Variants in ENTPD5 observed in about 807,000 individuals in gnomAD.
ENTPD5 encodes ectonucleoside triphosphate diphosphohydrolase 5 (inactive).
Under a neutral mutation model 60.2 loss-of-function variants are expected in ENTPD5, and 49 were observed. The observed-to-expected ratio is 0.81, with a 90% CI of 0.65 to 1.03. The LOEUF (loss-of-function observed/expected upper bound fraction) is 1.03. Ranked by LOEUF, ENTPD5 falls within the 50% of genes least tolerant of loss-of-function variation. The probability of loss-of-function intolerance (pLI) is 0.00; values close to 1 mark genes in which losing one functional copy is unlikely to be tolerated. For synonymous variants in ENTPD5, 187 were observed against 185.4 expected (o/e 1.01, Z -0.07); for missense variants, 480 against 507.6 (o/e 0.95, Z 0.52).
intron 15 of ENTPD5, among the ~76,000 whole-genome samples, chr14:73,968,275 T>C (rs2057070620): frequency 6.6e-6 from 1 of 152,180 alleles, no homozygotes. Flanking sequence ...TGTTTATCGG[T>C]TTATCAATTT....
chr14:74,014,724 C>T (rs918470975), intron 2 of ENTPD5, among the ~76,000 whole-genome samples: 4 of 152,050 alleles, frequency 2.6e-5, no homozygotes, highest in South Asian at 2.1e-4. Flanking sequence ...CTTAATATCA[C>T]GAGAAAATGT....
intron 13 of ENTPD5, among the ~76,000 whole-genome samples, chr14:73,972,215 A>T (rs949674085): frequency 4.0e-5 from 6 of 149,070 alleles, no homozygotes; most frequent in African/African-American, 1.5e-4. Context: ...CGTCTCTATT[A>T]AAAAAAAAAT....
At chr14:74,015,520 T>A (rs945926081) in intron 2 of ENTPD5, among the ~76,000 whole-genome samples, 2 of 151,836 alleles carry the variant, frequency 1.3e-5, no homozygotes, top group Non-Finnish European at 2.9e-5. Context: ...ACCCAGCTAA[T>A]TTTTGTATTT....
intron 3 of ENTPD5, among the ~76,000 whole-genome samples, chr14:74,005,100 T>C (rs943634921): frequency 4.6e-5 from 7 of 151,210 alleles, no homozygotes; most frequent in African/African-American, 1.7e-4. Flanking sequence ...AAAAATAATA[T>C]ATAGAAATAA....
At chr14:73,985,908 C>T (rs1045829158) in intron 5 of ENTPD5, among the ~76,000 whole-genome samples, 1 of 151,776 alleles carries the variant, frequency 6.6e-6, no homozygotes, top group Non-Finnish European at 1.5e-5. Context: ...CCCGTCTCTA[C>T]TAAAAATACA....
At chr14:73,955,950 T>G (rs774488472), downstream of ENTPD5, 8 of 1,613,764 alleles carry the variant, frequency 5.0e-6, no homozygotes, top group Admixed American at 1.3e-4. Flanking sequence ...ATCTTCCACC[T>G]TGCATTCATT....
chr14:73,958,508 C>T, downstream of ENTPD5: 1 of 1,361,140 alleles, frequency 7.3e-7, no homozygotes, highest in Non-Finnish European at 9.5e-7. Context: ...ATAGCTGGGC[C>T]TCACAGGACA....
intron 3 of ENTPD5, among the ~76,000 whole-genome samples, chr14:73,989,643 G>A (rs2058053289): frequency 1.3e-5 from 2 of 152,016 alleles, no homozygotes; most frequent in African/African-American, 4.8e-5. Context: ...AGACCAGCCT[G>A]GCCAACATGG....
chr14:74,013,962 G>A (rs1268874555), intron 2 of ENTPD5, among the ~76,000 whole-genome samples: 8 of 151,980 alleles, frequency 5.3e-5, no homozygotes, highest in South Asian at 2.1e-4. Context: ...TGTCCAGGCC[G>A]GTCTCAAAAT....
At chr14:73,962,053 T>A (rs1373405047), downstream of ENTPD5, 3 of 908,788 alleles carry the variant, frequency 3.3e-6, no homozygotes, top group East Asian at 7.9e-5. Context: ...GTTCAAGTGA[T>A]TATCCTGCCT....
In ENTPD5 at chr14:73,963,241, A is replaced by G; in HGVS notation, c.*3687T>C. ...AGGAAGACTTACAATTTGGTTGAAA[A>G]GAGCTTTTTATTACTAAAAAACCCA... On this transcript the variant is annotated 3_prime_UTR_variant, in exon 16 of 16. Coordinates refer to ENST00000334696, the MANE Select transcript of ENTPD5 (RefSeq NM_001249.5). 1 of 573,650 alleles carries G rather than the reference A, an allele frequency of 1.7e-6. No homozygotes were observed. The highest frequency in any genetic ancestry group is 2.5e-5 in the South Asian group (1 of 40,020). The allele number at this position is 573,650 out of a possible 1,614,324, so 35.5% of individuals were successfully genotyped here.
intron 3 of ENTPD5, among the ~76,000 whole-genome samples, chr14:73,988,497 A>G (rs2057999411): frequency 6.6e-6 from 1 of 152,238 alleles, no homozygotes; most frequent in Non-Finnish European, 1.5e-5. Context: ...GATATCTATT[A>G]CAACATTTAT....
chr14:73,990,948 G>T (rs1190968975), intron 3 of ENTPD5, among the ~76,000 whole-genome samples: 1 of 152,094 alleles, frequency 6.6e-6, no homozygotes, highest in Non-Finnish European at 1.5e-5. Context: ...AGAATTGCTT[G>T]AAACCGGGAA....
chr14:73,968,410 T>C (rs1454063621), intron 15 of ENTPD5, among the ~76,000 whole-genome samples: 1 of 147,570 alleles, frequency 6.8e-6, no homozygotes, highest in Non-Finnish European at 1.5e-5. Flanking sequence ...TTACCAGTTT[T>C]ATATTACTGA....
chr14:73,967,077 C>G (rs936947406), intron 15 of ENTPD5, 63 bp from the exon 16 acceptor site: 3 of 1,406,320 alleles, frequency 2.1e-6, no homozygotes, highest in African/African-American at 1.4e-5. Context: ...AAGCACAGCT[C>G]TTGGGCAGAA....
At chr14:73,962,246 C>T (rs185528289), downstream of ENTPD5, among the ~76,000 whole-genome samples, 6 of 152,052 alleles carry the variant, frequency 3.9e-5, no homozygotes, top group Non-Finnish European at 7.4e-5. Context: ...GCGGCTGGCC[C>T]ACAGCTCTTA....
intron 15 of ENTPD5, among the ~76,000 whole-genome samples, chr14:73,969,422 G>A (rs1261163723): frequency 2.0e-5 from 3 of 152,176 alleles, no homozygotes; most frequent in Non-Finnish European, 4.4e-5. Context: ...GCCGGGTGCA[G>A]TGGCTCACGC....
intron 6 of ENTPD5, among the ~76,000 whole-genome samples, chr14:73,979,942 G>A (rs1034278612): frequency 7.4e-6 from 1 of 135,412 alleles, no homozygotes; most frequent in Non-Finnish European, 1.6e-5. Context: ...TTTTTGCCAT[G>A]ATTTTTTTTT....
At chr14:73,960,870 G>GT (rs2056688027), downstream of ENTPD5, 1 of 468,628 alleles carries the variant, frequency 2.1e-6, no homozygotes, top group Non-Finnish European at 3.9e-6. Context: ...GGAGGTAGAA[G>GT]GATACTGTGT....
Sources: gnomAD v4.1 joint callset for allele counts (sites outside exome capture counted in the v4.1 genomes callset) on GRCh38, gnomAD v4.1.1 for gene constraint, MANE v1.5 for transcripts, NCBI Gene and HGNC (gene_info 2026-07-23, HGNC 2026-07-21) for gene names.